LOC131768270: variants seen among roughly 807,000 people sequenced by gnomAD.
chr5:140,567,266 C>T, the LOC131768270 span: 6 of 1,614,240 alleles, frequency 3.7e-6, no homozygotes, highest in Non-Finnish European at 5.1e-6. Flanking sequence ...GTACGGTGCC[C>T]ATGCCCCATT....
At chr5:140,567,432 C>T in the LOC131768270 span, 5 of 1,614,146 alleles carry the variant, frequency 3.1e-6, no homozygotes, top group South Asian at 5.5e-5. Flanking sequence ...CAGGCTGCTC[C>T]CTTCGCACTA....
At chr5:140,564,848 C>T in the LOC131768270 span, 8 of 403,122 alleles carry the variant, frequency 2.0e-5, no homozygotes, top group Non-Finnish European at 3.5e-5. The surrounding 1 kb of genome is among the most constrained non-coding windows in gnomAD (Gnocchi z 5.0). Context: ...GGGAAGATGG[C>T]GGATGACAAG....
chr5:140,567,577 C>T, the LOC131768270 span: 9 of 1,614,230 alleles, frequency 5.6e-6, 1 homozygote, highest in South Asian at 8.8e-5. Context: ...GCCTCCGGCA[C>T]CGCCTCTCTG....
the LOC131768270 span, chr5:140,567,625 G>C: frequency 6.2e-7 from 1 of 1,614,046 alleles, no homozygotes; most frequent in African/African-American, 1.3e-5. Flanking sequence ...TGATGGCTGC[G>C]GGAGCCTGCT....
At chr5:140,567,779 G>A in the LOC131768270 span, 1 of 1,614,104 alleles carries the variant, frequency 6.2e-7, no homozygotes, top group South Asian at 1.1e-5. Flanking sequence ...CTTGTCGTCA[G>A]TGTACACAGA....
the LOC131768270 span, chr5:140,568,373 C>A: frequency 6.3e-6 from 4 of 634,376 alleles, no homozygotes; most frequent in Non-Finnish European, 1.1e-5. Flanking sequence ...TACCATCCCC[C>A]ACCCCCAACC....
the LOC131768270 span, chr5:140,565,525 C>T: frequency 1.1e-4 from 19 of 170,706 alleles, no homozygotes; most frequent in South Asian, 3.4e-3. Flanking sequence ...CTGGTCACGA[C>T]TTTCAAGGAG....
chr5:140,566,513 G>T, the LOC131768270 span: 1 of 411,436 alleles, frequency 2.4e-6, no homozygotes, highest in South Asian at 1.1e-4. Flanking sequence ...AGTAGCCCCT[G>T]GACAGTCAGG....
At chr5:140,566,142 G>C in the LOC131768270 span, among the ~76,000 whole-genome samples, 2,143 of 152,288 alleles carry the variant, frequency 0.014, 57 homozygotes, top group African/African-American at 0.05. Flanking sequence ...CTTAAGTAGT[G>C]GTTAAGTAGG....
At chr5:140,564,975 T>C in the LOC131768270 span, 1 of 399,352 alleles carries the variant, frequency 2.5e-6, no homozygotes, top group African/African-American at 2.1e-5. This position sits in a 1 kb window ranked among gnomAD's most constrained non-coding sequence, Gnocchi z 5.0. Flanking sequence ...CCCTTGTTTC[T>C]TCTGCGGCTC....
chr5:140,567,407 C>T, the LOC131768270 span: 1 of 1,614,156 alleles, frequency 6.2e-7, no homozygotes, highest in Non-Finnish European at 8.5e-7. Flanking sequence ...GCCCCAGGGG[C>T]CCCCACCCTG....
chr5:140,566,651 C>A, the LOC131768270 span: 3 of 489,412 alleles, frequency 6.1e-6, no homozygotes, highest in African/African-American at 1.9e-5. Context: ...CAGTATTGGG[C>A]TTTGCTGTGG....
At chr5:140,565,214 C>A in the LOC131768270 span, 1 of 292,092 alleles carries the variant, frequency 3.4e-6, no homozygotes, top group East Asian at 5.7e-5. Context: ...CTCACACCAC[C>A]CTCATTCAAA....
At chr5:140,567,624 C>T in the LOC131768270 span, 17 of 1,614,030 alleles carry the variant, frequency 1.1e-5, no homozygotes, top group African/African-American at 2.7e-5. Context: ...CTGATGGCTG[C>T]GGGAGCCTGC....
the LOC131768270 span, chr5:140,567,420 G>T: frequency 2.5e-6 from 4 of 1,614,112 alleles, no homozygotes; most frequent in South Asian, 1.1e-5. Flanking sequence ...CCACCCTGGC[G>T]CCAGGCTGCT....
At chr5:140,568,702 G>A in the LOC131768270 span, 16 of 176,136 alleles carry the variant, frequency 9.1e-5, no homozygotes, top group African/African-American at 3.6e-4. Context: ...TTCCAGCAAT[G>A]CCTAGAGACA....
the LOC131768270 span, chr5:140,567,675 C>T: frequency 1.2e-6 from 2 of 1,613,992 alleles, no homozygotes; most frequent in Admixed American, 3.3e-5. Flanking sequence ...AACACCCTTC[C>T]CAGTCCCCCT....
chr5:140,569,039 A>G, the LOC131768270 span: 2 of 167,106 alleles, frequency 1.2e-5, no homozygotes, highest in African/African-American at 4.8e-5. Flanking sequence ...CTTTAACTGC[A>G]TAAGCAATAA....
At chr5:140,569,023 G>C in the LOC131768270 span, 1 of 167,210 alleles carries the variant, frequency 6.0e-6, no homozygotes, top group East Asian at 1.9e-4. Flanking sequence ...AGCTCAATCA[G>C]TGTCTCTTTA....
Sources: gnomAD v4.1 joint callset for allele counts (sites outside exome capture counted in the v4.1 genomes callset) on GRCh38, gnomAD v4.1.1 for gene constraint, Gnocchi (gnomAD v3.1) non-coding constraint, MANE v1.5 for transcripts.